Variants in CNBD2 observed in about 807,000 individuals in gnomAD.
The protein encoded by CNBD2 is cyclic nucleotide-binding domain-containing protein 2.
CNBD2 carries 64 observed loss-of-function variants against 63.7 expected under a neutral mutation model. The observed-to-expected ratio is 1.00, with a 90% CI of 0.82 to 1.24. The LOEUF (loss-of-function observed/expected upper bound fraction) is 1.24, where lower values mean the gene tolerates loss of function less well. Among genes scored for constraint, CNBD2 ranks in the 50% most tolerant of loss-of-function variants. The probability of loss-of-function intolerance (pLI) is 0.00; values close to 1 mark genes in which losing one functional copy is unlikely to be tolerated. For missense variants in CNBD2, 691 were observed against 713.5 expected (o/e 0.97, Z 0.36); for synonymous variants, 229 against 255.4 (o/e 0.90, Z 0.99).
Position 36,011,193 on chromosome 20 carries a change from T to A in CNBD2, c.1205T>A (p.Leu402His). ...ATGATCAATATCAAGCCTGGTGAGC[T>A]CCCCAAGGAGGCTGCAGTGGGGGCC... ...CAMINIKPGE[L>H]PKEAAVGAYV... is the part of the protein sequence containing the mutation. The change falls in exon 10 of 12, where the codon CTC becomes CAC. Residue 402 changes from leucine to histidine, a missense_variant. Transcript: ENST00000373973. 2 of 1,598,254 alleles carry A rather than the reference T, an allele frequency of 1.3e-6. No homozygotes were observed. Among genetic ancestry groups the A allele is most frequent in the South Asian group, 2.3e-5 (2 of 88,398 alleles).
chr20:35,972,578 A>G (rs763843950), intron 1 of CNBD2, 51 bp from the exon 2 acceptor site: 56 of 1,587,340 alleles, frequency 3.5e-5, no homozygotes, highest in Non-Finnish European at 4.4e-5. Context: ...CCTGCTGTTG[A>G]CTGTTGAGAA....
chr20:35,981,079 G>C (rs1038601552), intron 4 of CNBD2, among the ~76,000 whole-genome samples: 1 of 152,178 alleles, frequency 6.6e-6, no homozygotes, highest in Non-Finnish European at 1.5e-5. Context: ...GTTGAGAAAG[G>C]GTAGTTTCCC....
At chr20:35,988,806 C>A (rs1183738370) in intron 7 of CNBD2, among the ~76,000 whole-genome samples, 1 of 152,112 alleles carries the variant, frequency 6.6e-6, no homozygotes, top group Non-Finnish European at 1.5e-5. Flanking sequence ...GCCATCACAG[C>A]TCTGCCAGCC....
chr20:35,974,997 ATTT>A (rs1207764374), intron 2 of CNBD2: 1 of 146,254 alleles, frequency 6.8e-6, no homozygotes, highest in Non-Finnish European at 1.5e-5. Flanking sequence ...TATTTTTTTT[ATTT>A]TTTTTTATTT....
upstream of CNBD2, among the ~76,000 whole-genome samples, chr20:35,966,045 A>G (rs111718683): frequency 5.0e-3 from 763 of 152,242 alleles, 2 homozygotes; most frequent in Non-Finnish European, 8.7e-3. Context: ...CTTCCTGCCT[A>G]TAGCCATCTC....
intron 1 of CNBD2, among the ~76,000 whole-genome samples, chr20:35,972,189 C>T (rs969788868): frequency 1.3e-5 from 2 of 152,188 alleles, no homozygotes; most frequent in Non-Finnish European, 2.9e-5. Flanking sequence ...GTGGGCCCTT[C>T]CTTCATCTTG....
intron 11 of CNBD2, among the ~76,000 whole-genome samples, chr20:36,024,018 T>C (rs2057253677): frequency 6.6e-6 from 1 of 152,170 alleles, no homozygotes; most frequent in Non-Finnish European, 1.5e-5. Context: ...AGAGCCGAAA[T>C]ATGGAGAAAG....
At chr20:36,019,903 G>T (rs148548148) in intron 10 of CNBD2, among the ~76,000 whole-genome samples, 5 of 152,258 alleles carry the variant, frequency 3.3e-5, no homozygotes, top group Non-Finnish European at 7.4e-5. Flanking sequence ...TGGATCCCTG[G>T]TTCAAGGTTG....
At chr20:35,987,174 A>G (rs1048794627) in intron 6 of CNBD2, among the ~76,000 whole-genome samples, 1 of 151,986 alleles carries the variant, frequency 6.6e-6, no homozygotes, top group Non-Finnish European at 1.5e-5. Context: ...TAAAGAGGGG[A>G]GCTTGGCTGG....
At chr20:35,984,535 G>T in intron 5 of CNBD2, 92 bp from the exon 6 acceptor site, 1 of 1,365,114 alleles carries the variant, frequency 7.3e-7, no homozygotes, top group South Asian at 1.4e-5. Flanking sequence ...AGAGAATTCA[G>T]GGGGAAGATG....
At chr20:36,013,166 C>T (rs2057085000) in intron 10 of CNBD2, among the ~76,000 whole-genome samples, 1 of 152,134 alleles carries the variant, frequency 6.6e-6, no homozygotes, top group Non-Finnish European at 1.5e-5. Flanking sequence ...CGCCTGTAAT[C>T]CCAGCACTTT....
chr20:36,021,481 A>C (rs2147364047), intron 10 of CNBD2, among the ~76,000 whole-genome samples: 1 of 152,328 alleles, frequency 6.6e-6, no homozygotes, highest in Non-Finnish European at 1.5e-5. Context: ...AAAAATGGTA[A>C]AGATGGTAAA....
downstream of CNBD2, chr20:35,959,286 T>A (rs2056287390): frequency 6.6e-6 from 1 of 151,318 alleles, no homozygotes; most frequent in African/African-American, 2.4e-5. Flanking sequence ...TAAGTTCTAG[T>A]ATGTAGTATT....
intron 8 of CNBD2, among the ~76,000 whole-genome samples, chr20:35,996,340 T>C (rs2056823994): frequency 6.6e-6 from 1 of 152,132 alleles, no homozygotes; most frequent in Non-Finnish European, 1.5e-5. Flanking sequence ...TGTGTGTGGT[T>C]TGGACACATC....
chr20:35,975,036 C>G (rs2056483373), intron 2 of CNBD2: 1 of 143,768 alleles, frequency 7.0e-6, no homozygotes. Context: ...GAGTCTCGCT[C>G]TGTCGCCCAG....
intron 1 of CNBD2, among the ~76,000 whole-genome samples, chr20:35,969,256 T>C (rs2056378991): frequency 6.6e-6 from 1 of 152,238 alleles, no homozygotes; most frequent in Non-Finnish European, 1.5e-5. Flanking sequence ...TACTAGTACC[T>C]ACTGCATAAA....
At chr20:36,003,868 C>T (rs1355344035) in intron 8 of CNBD2, among the ~76,000 whole-genome samples, 1 of 146,480 alleles carries the variant, frequency 6.8e-6, no homozygotes, top group Non-Finnish European at 1.5e-5. Context: ...TAGCTGGACT[C>T]CATCTGAAAA....
chr20:35,995,475 G>C lies in CNBD2; in HGVS notation c.970+323G>C, dbSNP rs557285438. Among the ~76,000 whole-genome samples the C allele has an allele frequency of 2.8e-4, 42 of 151,974 alleles. 2 individuals are homozygous for C. The South Asian group carries it at 7.1e-3, about 26-fold the overall frequency. On this transcript the variant is annotated intron_variant, in intron 8 of 11. Transcript: ENST00000373973. ...TTATTTATTTGTTCATTCTGTCTCT[G>C]GATTTGCCTGTGATGGACTTTTCAT...
chr20:35,954,455 A>G, upstream of CNBD2: 2 of 1,548,876 alleles, frequency 1.3e-6, no homozygotes, highest in Non-Finnish European at 1.7e-6. Flanking sequence ...TACCTGCACC[A>G]GCGAAGCGCC....
Sources: allele counts gnomAD v4.1 joint callset (sites outside exome capture counted in the v4.1 genomes callset), GRCh38; gene constraint gnomAD v4.1.1; transcripts MANE v1.5; gene names NCBI Gene and HGNC (gene_info 2026-07-23, HGNC 2026-07-21).